The following NCOA1 variants were observed in gnomAD, a reference collection of about 807,000 sequenced individuals.
The protein encoded by NCOA1 is nuclear receptor coactivator 1.
A neutral mutation model predicts 150.9 loss-of-function variants in NCOA1; 35 were observed. That is an observed-to-expected ratio of 0.23 (90% confidence interval 0.18 to 0.31). The LOEUF is 0.31. Ranked by LOEUF, NCOA1 falls within the 10% of genes least tolerant of loss-of-function variation. The pLI, the probability that NCOA1 is intolerant of heterozygous loss-of-function variation, is 1.00. For synonymous variants in NCOA1, 590 were observed against 630.0 expected, an observed-to-expected ratio of 0.94 and a Z score of 0.95; for missense variants, 1,491 against 1,749.3, an observed-to-expected ratio of 0.85 and a Z score of 2.63.
At chr2:24,641,291 T>G (rs1262525977) in intron 3 of NCOA1, among the ~76,000 whole-genome samples, 1 of 151,240 alleles carries the variant, frequency 6.6e-6, no homozygotes, top group Non-Finnish European at 1.5e-5. Context: ...TATTATAAAC[T>G]CCACAATATT....
intron 3 of NCOA1, among the ~76,000 whole-genome samples, chr2:24,642,037 T>TGTGTGCGC (rs942145000): frequency 2.7e-3 from 369 of 138,542 alleles, no homozygotes; most frequent in Non-Finnish European, 4.1e-3. Context: ...TGTGTGTGTG[T>TGTGTGCGC]GCGCGCGTGC....
In NCOA1 at chr2:24,576,859, G is replaced by A. The variant is rs116536276; in HGVS notation, c.-259-7617G>A. Among the ~76,000 whole-genome samples, 665 of 152,172 alleles carry A rather than the reference G, an allele frequency of 4.4e-3. 6 individuals are homozygous for A. The highest frequency in any genetic ancestry group is 0.015 in the African/African-American group (632 of 41,508). ...GCATTCTCCTCTCAGTTTCAGTGTC[G>A]GGTACCTACTGCAGTAGTAGGGTAG... On this transcript the variant is annotated intron_variant, in intron 2 of 22. Coordinates refer to ENST00000348332, the MANE Select transcript of NCOA1 (RefSeq NM_003743.5).
At chr2:24,498,548 C>T (rs1403114988) in intron 1 of NCOA1, among the ~76,000 whole-genome samples, 1 of 152,048 alleles carries the variant, frequency 6.6e-6, no homozygotes, top group Non-Finnish European at 1.5e-5. Context: ...TAGACAAAAG[C>T]ATTGAGGGCA....
chr2:24,677,000 C>G (rs1671940865), intron 7 of NCOA1, among the ~76,000 whole-genome samples: 1 of 152,156 alleles, frequency 6.6e-6, no homozygotes, highest in African/African-American at 2.4e-5. Context: ...GCTGGTATCC[C>G]TGACAAACAG....
intron 1 of NCOA1, among the ~76,000 whole-genome samples, chr2:24,561,922 G>A (rs1424600382): frequency 6.6e-6 from 1 of 152,116 alleles, no homozygotes; most frequent in African/African-American, 2.4e-5. Context: ...TAAACCAAGG[G>A]ATGATGAGAA....
At chr2:24,513,552 A>G (rs996579990) in intron 1 of NCOA1, among the ~76,000 whole-genome samples, 2 of 152,154 alleles carry the variant, frequency 1.3e-5, no homozygotes, top group Admixed American at 6.5e-5. Context: ...GGTTGTGAAC[A>G]TATGTGCATT....
intron 3 of NCOA1, among the ~76,000 whole-genome samples, chr2:24,619,951 A>T (rs1669048747): frequency 6.6e-6 from 1 of 151,820 alleles, no homozygotes; most frequent in Non-Finnish European, 1.5e-5. Context: ...TCTTTCTCAG[A>T]TTTTCTTGTT....
intron 1 of NCOA1, among the ~76,000 whole-genome samples, chr2:24,538,097 T>C (rs1337464215): frequency 1.3e-5 from 2 of 152,238 alleles, no homozygotes; most frequent in East Asian, 3.8e-4. Flanking sequence ...TTGTTTTTAG[T>C]GTATCTGATG....
At chr2:24,622,842 T>G (rs1669230934) in intron 3 of NCOA1, among the ~76,000 whole-genome samples, 1 of 152,198 alleles carries the variant, frequency 6.6e-6, no homozygotes, top group East Asian at 1.9e-4. Context: ...CCTAGTAGGT[T>G]GAATTTATTG....
chr2:24,657,296 TCTTG>T (rs1009237384), intron 4 of NCOA1, among the ~76,000 whole-genome samples: 4 of 152,190 alleles, frequency 2.6e-5, no homozygotes, highest in African/African-American at 7.2e-5. Context: ...GATTAAAGGA[TCTTG>T]CATTAATCTA....
At chr2:24,757,269 G>A (rs568632437) in intron 20 of NCOA1, among the ~76,000 whole-genome samples, 7 of 152,116 alleles carry the variant, frequency 4.6e-5, no homozygotes, top group Admixed American at 1.3e-4. Flanking sequence ...GTATTCTCTT[G>A]TAGATGGTCT....
intron 6 of NCOA1, among the ~76,000 whole-genome samples, chr2:24,670,569 G>C (rs1046285570): frequency 1.3e-5 from 2 of 152,142 alleles, no homozygotes; most frequent in African/African-American, 4.8e-5. Context: ...AAGAAGCCGA[G>C]TCACATATGA....
intron 21 of NCOA1, among the ~76,000 whole-genome samples, chr2:24,759,094 A>G (rs1664646524): frequency 6.6e-6 from 1 of 152,222 alleles, no homozygotes; most frequent in African/African-American, 2.4e-5. Context: ...TTCAATAAGC[A>G]TTTATTCAGT....
intron 17 of NCOA1, among the ~76,000 whole-genome samples, chr2:24,735,820 T>C (rs760693052): frequency 6.6e-6 from 1 of 152,158 alleles, no homozygotes; most frequent in Admixed American, 6.5e-5. Context: ...ACTCCTCAAA[T>C]AAGCAAAGAC....
intron 1 of NCOA1, among the ~76,000 whole-genome samples, chr2:24,556,767 T>C (rs555527456): frequency 2.2e-4 from 34 of 152,284 alleles, no homozygotes; most frequent in Non-Finnish European, 4.1e-4. Flanking sequence ...GGAACACTTT[T>C]ATGCTGTTGG....
chr2:24,598,768 AT>A (rs1667986263), intron 3 of NCOA1, among the ~76,000 whole-genome samples: 1 of 152,012 alleles, frequency 6.6e-6, no homozygotes, highest in Admixed American at 6.6e-5. Context: ...CTTTTTTTTA[AT>A]TTTAAGACAT....
At chr2:24,579,118 C>T (rs935266263) in intron 2 of NCOA1, among the ~76,000 whole-genome samples, 2 of 152,068 alleles carry the variant, frequency 1.3e-5, no homozygotes, top group African/African-American at 4.8e-5. Context: ...ACATACAGAA[C>T]CTGTTCTCAG....
In NCOA1 at chr2:24,565,453, A is replaced by G. The variant is rs552010044; in HGVS notation, c.-260+1023A>G. Among the ~76,000 whole-genome samples, 8 of 152,374 alleles carry G rather than the reference A, an allele frequency of 5.3e-5. No homozygotes were observed. The South Asian group carries it at 1.7e-3, about 32-fold the overall frequency. On this transcript the variant is annotated intron_variant, in intron 2 of 22. Coordinates refer to ENST00000348332, the MANE Select transcript of NCOA1 (RefSeq NM_003743.5). ...AGTAAAACCTGAGAAAAATGTAAAT[A>G]TGTATCACTTATTACTAGGATTCTT...
At chr2:24,568,080 A>G (rs547895456) in intron 2 of NCOA1, among the ~76,000 whole-genome samples, 22 of 152,222 alleles carry the variant, frequency 1.4e-4, no homozygotes, top group East Asian at 9.6e-4. Flanking sequence ...CTGTTTTTCA[A>G]ATGTTCACAG....
Sources: allele counts gnomAD v4.1 joint callset (sites outside exome capture counted in the v4.1 genomes callset), GRCh38; gene constraint gnomAD v4.1.1; transcripts MANE v1.5; gene names NCBI Gene and HGNC (gene_info 2026-07-23, HGNC 2026-07-21).